ATXN7: variants seen among roughly 807,000 people sequenced by gnomAD.
The protein encoded by ATXN7 is ataxin 7.
ATXN7 carries 12 observed loss-of-function variants against 70.5 expected under a neutral mutation model. That is an observed-to-expected ratio of 0.17 (90% CI 0.11 to 0.28). The LOEUF is 0.28. Among genes scored for constraint, ATXN7 ranks in the 10% least tolerant of loss-of-function variants. The pLI, the probability that ATXN7 is intolerant of heterozygous loss-of-function variation, is 1.00. For synonymous variants in ATXN7, 498 were observed against 448.7 expected (o/e 1.11, Z -1.39); for missense variants, 1,256 against 1,131.7 (o/e 1.11, Z -1.58).
At chr3:63,892,294 C>T (rs140536553) in intron 1 of ATXN7, among the ~76,000 whole-genome samples, 1 of 151,862 alleles carries the variant, frequency 6.6e-6, no homozygotes, top group Non-Finnish European at 1.5e-5. Flanking sequence ...GATTAACGTT[C>T]CCCTGGTAGA....
intron 5 of ATXN7, among the ~76,000 whole-genome samples, chr3:63,958,993 A>C (rs17069536): frequency 0.023 from 3,522 of 152,338 alleles, 69 homozygotes; most frequent in South Asian, 0.078. Context: ...TTCTAGCTGA[A>C]GTAGAATTTT....
At chr3:63,957,973 G>A (rs577338034) in intron 5 of ATXN7, among the ~76,000 whole-genome samples, 16 of 151,900 alleles carry the variant, frequency 1.1e-4, no homozygotes, top group South Asian at 2.1e-4. Context: ...GTCACCTATC[G>A]ATAATGTTAT....
At chr3:63,969,428 G>A (rs1441801262) in intron 5 of ATXN7, among the ~76,000 whole-genome samples, 1 of 152,166 alleles carries the variant, frequency 6.6e-6, no homozygotes, top group Admixed American at 6.5e-5. Flanking sequence ...TGGACTGTGG[G>A]AAGATGATGC....
intron 1 of ATXN7, among the ~76,000 whole-genome samples, chr3:63,875,790 C>A (rs1182823955): frequency 6.6e-6 from 1 of 152,120 alleles, no homozygotes; most frequent in Non-Finnish European, 1.5e-5. Context: ...TAATTAAGGT[C>A]TCCAGACAGT....
In ATXN7 at chr3:63,998,825, C is replaced by T. The variant is rs192441371; in HGVS notation, c.2662-625C>T. 170 of 413,070 alleles carry T rather than the reference C, an allele frequency of 4.1e-4. 1 individual carries two copies. The highest frequency in any genetic ancestry group is 3.6e-3 in the African/African-American group (165 of 46,160). 25.6% of individuals were successfully genotyped at this position (413,070 alleles called of 1,614,324 possible). On this transcript the variant is annotated intron_variant, in intron 12 of 12. Transcript: ENST00000674280. ...AAAGTAGGGACCTCTACTTGCTGTTCCTTGTGGAGCTGCCATTAAAACAAA... is the reference window on the plus strand; with the variant it reads ...AAAGTAGGGACCTCTACTTGCTGTTTCTTGTGGAGCTGCCATTAAAACAAA...
chr3:63,926,821 C>A (rs184958582), intron 4 of ATXN7, among the ~76,000 whole-genome samples: 1 of 152,044 alleles, frequency 6.6e-6, no homozygotes. Context: ...CCCTTGCCCC[C>A]CAATGCCCAA....
intron 12 of ATXN7, chr3:63,997,550 GT>G: frequency 7.5e-7 from 1 of 1,324,676 alleles, no homozygotes. Flanking sequence ...GACCTCACCT[GT>G]AGCTGTTTCT....
rs1386982981 is a variant in ATXN7, at chr3:63,954,708, T to TTG, written c.499+2226_499+2227insGT. Among the ~76,000 whole-genome samples the TTG allele has an allele frequency of 1.2e-3, 176 of 145,590 alleles. 2 individuals are homozygous for TTG. The highest frequency in any genetic ancestry group is 4.3e-3 in the African/African-American group (164 of 37,704). ...ACGGGTAGGAAAAAGTGTTTTTTTT[T>TTG]TTGTTTTTTTTTTTTTTTGAGACGG... On this transcript the variant is annotated intron_variant, in intron 5 of 12. Transcript: ENST00000674280.
chr3:63,943,259 A>T (rs932697819), intron 4 of ATXN7, among the ~76,000 whole-genome samples: 1 of 152,246 alleles, frequency 6.6e-6, no homozygotes, highest in Non-Finnish European at 1.5e-5. Context: ...CAGAATGCCA[A>T]AGCGGAGAGT....
rs869110728 is a variant in ATXN7, at chr3:64,003,229, T to TTA, written c.*3762_*3763insTA. The TTA allele has an allele frequency of 1.5e-5, 2 of 131,458 alleles. No individual in the cohort carries two copies. Among genetic ancestry groups the TTA allele is most frequent in the Non-Finnish European group, 3.1e-5 (2 of 63,534 alleles). 8.1% of individuals were successfully genotyped at this position (131,458 alleles called of 1,614,324 possible). The stretch of plus-strand genomic sequence containing the variant: ...GCTTTTTTTTTTTTTTTTTTTTTTT[T>TTA]GAGCTTGGTTATAAAAGCAATCTCC... On this transcript the variant is annotated 3_prime_UTR_variant, in exon 13 of 13. Transcript: ENST00000674280.
intron 4 of ATXN7, among the ~76,000 whole-genome samples, chr3:63,926,890 C>T (rs758756249): frequency 1.3e-5 from 2 of 152,132 alleles, no homozygotes; most frequent in Non-Finnish European, 2.9e-5. Flanking sequence ...TGTTCAACTC[C>T]TACTTATGGG....
At chr3:63,911,037 A>G (rs1352653468) in intron 2 of ATXN7, among the ~76,000 whole-genome samples, 2 of 148,928 alleles carry the variant, frequency 1.3e-5, no homozygotes, top group Admixed American at 6.7e-5. Context: ...TTGAGGTACA[A>G]AAAAAAAAAG....
chr3:63,894,293 T>A (rs1203657405), intron 1 of ATXN7, among the ~76,000 whole-genome samples: 1 of 152,224 alleles, frequency 6.6e-6, no homozygotes, highest in Non-Finnish European at 1.5e-5. Context: ...GTTTGGAATT[T>A]TATATGAATC....
intron 1 of ATXN7, among the ~76,000 whole-genome samples, chr3:63,884,368 C>G (rs552121967): frequency 4.6e-5 from 7 of 150,932 alleles, no homozygotes; most frequent in Non-Finnish European, 7.4e-5. Context: ...ATTTGAGCAG[C>G]TAAAAAACAT....
chr3:63,969,812 C>T (rs1286772668), intron 5 of ATXN7, among the ~76,000 whole-genome samples: 1 of 152,162 alleles, frequency 6.6e-6, no homozygotes, highest in Non-Finnish European at 1.5e-5. Context: ...GTTCTTTTCC[C>T]TAACACATAG....
intron 1 of ATXN7, among the ~76,000 whole-genome samples, chr3:63,877,119 C>G (rs1559617405): frequency 6.6e-6 from 1 of 152,096 alleles, no homozygotes; most frequent in Non-Finnish European, 1.5e-5. Flanking sequence ...AATCTTAAAT[C>G]TCAAAAGCTA....
At chr3:63,932,916 G>T (rs1302673875) in intron 4 of ATXN7, among the ~76,000 whole-genome samples, 1 of 152,158 alleles carries the variant, frequency 6.6e-6, no homozygotes, top group African/African-American at 2.4e-5. Flanking sequence ...CTACCACCTA[G>T]TTTTTGGTAT....
intron 7 of ATXN7, 43 bp from the exon 8 acceptor site, chr3:63,982,896 A>G: frequency 6.9e-7 from 1 of 1,443,092 alleles, no homozygotes. Flanking sequence ...TACATGGAGG[A>G]GAGTTTGTCA....
chr3:63,989,144 G>T (rs192475829), intron 9 of ATXN7, among the ~76,000 whole-genome samples: 1 of 152,208 alleles, frequency 6.6e-6, no homozygotes, highest in African/African-American at 2.4e-5. Flanking sequence ...GCCTGTTAGA[G>T]CCTGTCCCAA....
Sources: allele counts gnomAD v4.1 joint callset (sites outside exome capture counted in the v4.1 genomes callset), GRCh38; gene constraint gnomAD v4.1.1; transcripts MANE v1.5; gene names NCBI Gene and HGNC (gene_info 2026-07-23, HGNC 2026-07-21).